The following CELSR1 variants were observed in gnomAD, a reference collection of about 807,000 sequenced individuals.
CELSR1 encodes cadherin EGF LAG seven-pass G-type receptor 1, also known as adhesion G protein-coupled receptor C1.
CELSR1 carries 110 observed loss-of-function variants against 249.1 expected under a neutral mutation model. The ratio of observed to expected loss-of-function variants is 0.44; its 90% CI spans 0.38 to 0.52. CELSR1 has a LOEUF of 0.52. Ranked by LOEUF, CELSR1 falls within the 20% of genes least tolerant of loss-of-function variation. CELSR1 has a pLI of 0.00. For missense variants in CELSR1, 4,109 were observed against 4,296.4 expected (o/e 0.96, Z 1.22); for synonymous variants, 2,113 against 1,900.0 (o/e 1.11, Z -2.92).
intron 1 of CELSR1, among the ~76,000 whole-genome samples, chr22:46,485,195 TTTTAA>T (rs1262246110): frequency 1.3e-5 from 2 of 152,146 alleles, no homozygotes; most frequent in African/African-American, 4.8e-5. Flanking sequence ...TAGTTGAGTA[TTTTAA>T]TTTATTTCTT....
chr22:46,476,432 C>A (rs1327134359), intron 1 of CELSR1, among the ~76,000 whole-genome samples: 1 of 151,874 alleles, frequency 6.6e-6, no homozygotes, highest in African/African-American at 2.4e-5. Context: ...CCCATCTCTA[C>A]CAAAATATAA....
intron 1 of CELSR1, among the ~76,000 whole-genome samples, chr22:46,502,178 A>G (rs5768850): frequency 0.91 from 136,208 of 150,010 alleles, 61,960 homozygotes; most frequent in East Asian, 1. Context: ...TGGGAGGATC[A>G]CTTGAGCCCA....
At position 46,490,125 on chromosome 22, in the gene CELSR1, A is replaced by G. The variant is rs1302372677; in HGVS notation, c.3545-25780T>C. Among the ~76,000 whole-genome samples, 1 of 151,938 alleles carries G rather than the reference A, an allele frequency of 6.6e-6. No individual in the cohort carries two copies. Among genetic ancestry groups the G allele is most frequent in the Admixed American group, 6.6e-5 (1 of 15,254 alleles). On this transcript the variant is annotated intron_variant, in intron 1 of 34. Transcript: ENST00000674500. This position sits in a 1 kb window ranked among gnomAD's most constrained non-coding sequence, Gnocchi z 5.2. ...ACGTTCCCAAGTGCAAAGTGTACAC[A>G]TGTCGACATGGCACTTCTACCTGGA...
chr22:46,487,636 G>A (rs868296898), intron 1 of CELSR1, among the ~76,000 whole-genome samples: 1 of 8,052 alleles, frequency 1.2e-4, no homozygotes, highest in Non-Finnish European at 3.1e-4. Context: ...TGCAGGTGGG[G>A]GGTGCGGGGG....
rs946398268 is a variant in CELSR1, at chr22:46,433,572, A to G, written c.4523-91T>C. ...TTGCGCTGTGAGGCATCAGGGGGAG[A>G]CAGGTGCACATGGCCACGTCCTCCC... On this transcript the variant is annotated intron_variant, in intron 4 of 34. Coordinates refer to ENST00000674500, the MANE Select transcript of CELSR1 (RefSeq NM_001378328.1). The surrounding 1 kb of genome is among the most constrained non-coding windows in gnomAD (Gnocchi z 5.7). 1.1e-6 allele frequency: 1 copy of G among 948,378 alleles called. No individual in the cohort carries two copies. Among genetic ancestry groups the G allele is most frequent in the African/African-American group, 1.6e-5 (1 of 61,262 alleles). The allele number at this position is 948,378 out of a possible 1,614,324, so 58.7% of individuals were successfully genotyped here.
At chr22:46,522,791 C>T (rs114089518) in intron 1 of CELSR1, among the ~76,000 whole-genome samples, 136 of 152,300 alleles carry the variant, frequency 8.9e-4, no homozygotes, top group African/African-American at 3.1e-3. Context: ...ATTCCACCTT[C>T]GGAGGTCCAG....
At chr22:46,450,119 C>T (rs938738301) in intron 2 of CELSR1, among the ~76,000 whole-genome samples, 4 of 152,206 alleles carry the variant, frequency 2.6e-5, no homozygotes, top group East Asian at 3.8e-4. Context: ...AAAGCCCAGG[C>T]GGCTGCAGCC....
rs572188312 is a variant in CELSR1 at position 46,396,433 on chromosome 22, T to TA, written c.5843+171dup. ...AAAAAAATAAAAATAAAATAAAAAT[T>TA]AAAAAAAATTTGATTTTCACTTAAT... On this transcript the variant is annotated intron_variant, in intron 13 of 34. Transcript: ENST00000674500. This position sits in a 1 kb window ranked among gnomAD's most constrained non-coding sequence, Gnocchi z 6.4. Among the ~76,000 whole-genome samples, 1 of 151,444 alleles carries TA rather than the reference T, an allele frequency of 6.6e-6. No individual in the cohort carries two copies. Among genetic ancestry groups the TA allele is most frequent in the African/African-American group, 2.4e-5 (1 of 41,118 alleles).
Position 46,398,588 on chromosome 22 carries a change from A to AC in CELSR1, c.5461dup (p.Val1821GlyfsTer8). ...GTCTTCAGAGGCGCCTCCGACCACC[A>AC]CGCTCCTTACCGTCAGCCCGGGAAG... On this transcript the variant is annotated frameshift_variant, in exon 11 of 35. Transcript: ENST00000674500. LOFTEE classifies it high-confidence loss of function. This position sits in a 1 kb window ranked among gnomAD's most constrained non-coding sequence, Gnocchi z 7.2. 6.2e-7 allele frequency: 1 copy of AC among 1,613,158 alleles called. No individual in the cohort carries two copies. The highest frequency in any genetic ancestry group is 8.5e-7 in the Non-Finnish European group (1 of 1,179,754).
chr22:46,494,691 G>C (rs1330822776), intron 1 of CELSR1, among the ~76,000 whole-genome samples: 1 of 151,916 alleles, frequency 6.6e-6, no homozygotes, highest in South Asian at 2.1e-4. Context: ...ATTTTTAGTA[G>C]AGACCGAGGT....
intron 1 of CELSR1, among the ~76,000 whole-genome samples, chr22:46,505,130 C>A (rs769929815): frequency 4.6e-5 from 7 of 151,846 alleles, no homozygotes; most frequent in African/African-American, 1.7e-4. Flanking sequence ...GGCATGGTGG[C>A]GGGCTCCTGT....
rs892747254 is a variant in CELSR1 at position 46,412,505 on chromosome 22, G to A, written c.4612-746C>T. Among the ~76,000 whole-genome samples the A allele has an allele frequency of 2.0e-4, 30 of 152,292 alleles. No homozygotes were observed. The highest frequency in any genetic ancestry group is 5.8e-4 in the African/African-American group (24 of 41,566). ...CGGCCCCACATCTCCCCTCTAAGGC[G>A]TGGAACTCCCTCTCTGGGCCAGGAT... On this transcript the variant is annotated intron_variant, in intron 5 of 34. Transcript: ENST00000674500. This position sits in a 1 kb window ranked among gnomAD's most constrained non-coding sequence, Gnocchi z 4.5.
Position 46,405,158 on chromosome 22 carries a change from G to C in CELSR1, c.5226+3838C>G, listed in dbSNP as rs967744225. 1.2e-4 allele frequency among the ~76,000 whole-genome samples: 18 copies of C among 151,248 alleles called. 1 individual carries two copies. The highest frequency in any genetic ancestry group is 7.2e-4 in the Admixed American group (11 of 15,186). The stretch of plus-strand genomic sequence containing the variant: ...GTTTTCTTTTGTTCTATAGAAGTCA[G>C]CTTATTAATTTCCTTTGCTTGGCCG... On this transcript the variant is annotated intron_variant, in intron 9 of 34. Coordinates refer to ENST00000674500, the MANE Select transcript of CELSR1 (RefSeq NM_001378328.1).
chr22:46,510,493 C>T (rs951258422), intron 1 of CELSR1, among the ~76,000 whole-genome samples: 1 of 152,188 alleles, frequency 6.6e-6, no homozygotes, highest in Admixed American at 6.5e-5. Flanking sequence ...CATGAGGTGC[C>T]CCCTTGGCTC....
At chr22:46,444,776 T>C (rs2079798589) in intron 2 of CELSR1, among the ~76,000 whole-genome samples, 1 of 152,174 alleles carries the variant, frequency 6.6e-6, no homozygotes. Context: ...CCCAGCTCCC[T>C]CTGGAGGCTC....
intron 5 of CELSR1, among the ~76,000 whole-genome samples, chr22:46,420,896 G>A (rs551845218): frequency 3.3e-5 from 5 of 152,280 alleles, no homozygotes; most frequent in Admixed American, 6.5e-5. Context: ...GCATGGAAGC[G>A]CCTGGATAAG....
chr22:46,482,622 C>T lies in CELSR1; in HGVS notation c.3545-18277G>A, dbSNP rs77454954. On this transcript the variant is annotated intron_variant, in intron 1 of 34. Transcript: ENST00000674500. ...CTCAGCTACTCGAAAGGCTGAGGCACGAGACTCACTTGAACCCAGGAGGCA... is the reference window on the plus strand; with the variant it reads ...CTCAGCTACTCGAAAGGCTGAGGCATGAGACTCACTTGAACCCAGGAGGCA... Among the ~76,000 whole-genome samples, 695 of 152,026 alleles carry T rather than the reference C, an allele frequency of 4.6e-3. 2 individuals are homozygous for T. Among genetic ancestry groups the T allele is most frequent in the Non-Finnish European group, 7.5e-3 (507 of 67,970 alleles).
Position 46,399,641 on chromosome 22 carries a change from C to A in CELSR1, c.5412+76G>T, listed in dbSNP as rs925753131. On this transcript the variant is annotated intron_variant, in intron 10 of 34. Coordinates refer to ENST00000674500, the MANE Select transcript of CELSR1 (RefSeq NM_001378328.1). The surrounding 1 kb of genome is among the most constrained non-coding windows in gnomAD (Gnocchi z 5.0). Reference sequence around the variant, plus strand: ...ACAAGGTCTCTGGTGGGTCCTGGCACGTCAAGGGGTCATTCTGTTTTTCCC... The same window carrying A: ...ACAAGGTCTCTGGTGGGTCCTGGCAAGTCAAGGGGTCATTCTGTTTTTCCC... 8.8e-6 allele frequency: 13 copies of A among 1,472,416 alleles called. No homozygotes were observed. The South Asian group carries it at 1.2e-4, about 14-fold the overall frequency. The allele number at this position is 1,472,416 out of a possible 1,614,324, so 91.2% of individuals were successfully genotyped here.
intron 9 of CELSR1, among the ~76,000 whole-genome samples, chr22:46,403,444 C>T (rs1176554764): frequency 1.3e-5 from 2 of 150,968 alleles, no homozygotes; most frequent in Non-Finnish European, 2.9e-5. Context: ...GTAGTCCCAG[C>T]TATTTGGGAG....
Sources: gnomAD v4.1 joint callset for allele counts (sites outside exome capture counted in the v4.1 genomes callset) on GRCh38, gnomAD v4.1.1 for gene constraint, Gnocchi (gnomAD v3.1) non-coding constraint, MANE v1.5 for transcripts, NCBI Gene and HGNC (gene_info 2026-07-23, HGNC 2026-07-21) for gene names.